The following RGS6 variants were observed in gnomAD, a reference collection of about 807,000 sequenced individuals.
The protein encoded by RGS6 is regulator of G protein signaling 6.
Under a neutral mutation model 78.5 loss-of-function variants are expected in RGS6, and 30 were observed. The ratio of observed to expected loss-of-function variants is 0.38; its 90% CI spans 0.29 to 0.52. The LOEUF (loss-of-function observed/expected upper bound fraction) is 0.52. Among genes scored for constraint, RGS6 ranks in the 20% least tolerant of loss-of-function variants. The pLI, the probability that RGS6 is intolerant of heterozygous loss-of-function variation, is 0.85. For missense variants in RGS6, 495 were observed against 609.7 expected (o/e 0.81, Z 1.98); for synonymous variants, 206 against 206.0 (o/e 1.00, Z 0.00).
chr14:72,585,359 G>A, the RGS6 span, among the ~76,000 whole-genome samples: 1 of 152,176 alleles, frequency 6.6e-6, no homozygotes, highest in Non-Finnish European at 1.5e-5. Flanking sequence ...TTCCTGAGGA[G>A]CAGACTCTGA....
chr14:71,907,356 A>G, the RGS6 span, among the ~76,000 whole-genome samples: 1 of 152,162 alleles, frequency 6.6e-6, no homozygotes, highest in Non-Finnish European at 1.5e-5. Flanking sequence ...AATGATGAGT[A>G]AGAATTAGGT....
chr14:72,235,628 T>C lies in RGS6; in HGVS notation c.85-116467T>C, dbSNP rs908987366. ...CAGCCACCTGAATTTTAGGCATTGA[T>C]ATCTAAGAGAAAATAAGTTGCTCAA... On this transcript the variant is annotated intron_variant, in intron 2 of 17. Coordinates refer to ENST00000553525, the MANE Select transcript of RGS6 (RefSeq NM_001204424.2). Among the ~76,000 whole-genome samples the C allele has an allele frequency of 1.1e-4, 17 of 152,350 alleles. No homozygotes were observed. In the South Asian group the frequency reaches 1.9e-3, roughly 17 times the overall value.
chr14:71,942,536 T>C (rs949999606), intron 1 of RGS6, among the ~76,000 whole-genome samples: 1 of 152,066 alleles, frequency 6.6e-6, no homozygotes, highest in Admixed American at 6.6e-5. Flanking sequence ...TGTAAAACTT[T>C]AGAGAAAGAA....
the RGS6 span, among the ~76,000 whole-genome samples, chr14:72,619,639 C>T: frequency 6.6e-4 from 100 of 152,314 alleles, no homozygotes; most frequent in Admixed American, 3.8e-3. Context: ...GAAGCTCACA[C>T]CTCCCGGTCA....
chr14:71,961,426 G>A (rs1386635235), intron 1 of RGS6, among the ~76,000 whole-genome samples: 2 of 152,142 alleles, frequency 1.3e-5, no homozygotes, highest in Admixed American at 6.5e-5. Flanking sequence ...TAGGGGTGGG[G>A]TGATACCAGG....
chr14:72,595,758 G>C, the RGS6 span, among the ~76,000 whole-genome samples: 1 of 152,200 alleles, frequency 6.6e-6, no homozygotes, highest in Non-Finnish European at 1.5e-5. Context: ...ATTTAGCATG[G>C]TGTTGAGAGA....
intron 3 of RGS6, among the ~76,000 whole-genome samples, chr14:72,427,347 A>G (rs1199166278): frequency 6.6e-6 from 1 of 152,234 alleles, no homozygotes; most frequent in African/African-American, 2.4e-5. Context: ...AAAACATAGT[A>G]TATGTAGGAT....
At chr14:72,418,584 ACAGGC>A (rs780925426) in intron 3 of RGS6, among the ~76,000 whole-genome samples, 121 of 152,374 alleles carry the variant, frequency 7.9e-4, no homozygotes, top group Non-Finnish European at 1.5e-3. Context: ...ACAGCCAGAT[ACAGGC>A]TGAGCAGGCC....
chr14:72,043,441 C>T (rs1021912688), intron 2 of RGS6, among the ~76,000 whole-genome samples: 3 of 151,774 alleles, frequency 2.0e-5, no homozygotes, highest in East Asian at 1.9e-4. Flanking sequence ...CAATGAATTC[C>T]CTCAGTTTTT....
intron 4 of RGS6, among the ~76,000 whole-genome samples, chr14:72,455,051 G>A (rs1412653495): frequency 6.6e-6 from 1 of 152,024 alleles, no homozygotes; most frequent in African/African-American, 2.4e-5. Flanking sequence ...GACCTTACCA[G>A]GAAAACAACA....
chr14:71,964,364 G>T (rs1271334441), intron 1 of RGS6, among the ~76,000 whole-genome samples: 1 of 152,150 alleles, frequency 6.6e-6, no homozygotes, highest in East Asian at 1.9e-4. Flanking sequence ...AAAATAGCTG[G>T]GTGTGGTGGC....
chr14:72,176,508 CACCGCTGTGCTGT>C (rs952612766), intron 2 of RGS6, among the ~76,000 whole-genome samples: 45 of 152,310 alleles, frequency 3.0e-4, no homozygotes, highest in African/African-American at 1.0e-3. Flanking sequence ...CATAGCCATG[CACCGCTGTGCTGT>C]GCCTTTTCCT....
chr14:72,562,407 C>G lies in RGS6; in HGVS notation c.1423-10C>G, dbSNP rs1308053045. ...CCTGTGCGTGCCTCTCTGTCGCTGT[C>G]TCTCTGCAGGGAAAGTCGCTGGCGG... On this transcript the variant is annotated splice_polypyrimidine_tract_variant and intron_variant, in intron 17 of 17. Transcript: ENST00000553525. The G allele has an allele frequency of 6.2e-7, 1 of 1,612,266 alleles. No individual in the cohort carries two copies. The highest frequency in any genetic ancestry group is 8.5e-7 in the Non-Finnish European group (1 of 1,179,942).
chr14:72,387,250 T>TA lies in RGS6; in HGVS notation c.184+35064dup, dbSNP rs553620679. Among the ~76,000 whole-genome samples the TA allele has an allele frequency of 2.6e-3, 400 of 151,772 alleles. 4 individuals are homozygous for TA. The highest frequency in any genetic ancestry group is 8.1e-3 in the African/African-American group (336 of 41,434). Reference sequence around the variant, plus strand: ...CTAAATCCAATGGCTGGTTTCCTTATAAAAAAAAGGGAGAGGGGGCTGGGC... The same window carrying TA: ...CTAAATCCAATGGCTGGTTTCCTTATAAAAAAAAAGGGAGAGGGGGCTGGGC... On this transcript the variant is annotated intron_variant, in intron 3 of 17. Coordinates refer to ENST00000553525, the MANE Select transcript of RGS6 (RefSeq NM_001204424.2).
intron 2 of RGS6, among the ~76,000 whole-genome samples, chr14:72,234,344 CA>C (rs2050429479): frequency 6.6e-6 from 1 of 151,518 alleles, no homozygotes; most frequent in Non-Finnish European, 1.5e-5. Flanking sequence ...GGGAAACTGA[CA>C]CATACTATCT....
chr14:72,306,064 A>T (rs1425101684), intron 2 of RGS6, among the ~76,000 whole-genome samples: 1 of 152,204 alleles, frequency 6.6e-6, no homozygotes, highest in African/African-American at 2.4e-5. Context: ...TTGTTAGGGG[A>T]TAGTGCAGCT....
downstream of RGS6, among the ~76,000 whole-genome samples, chr14:72,569,920 C>T (rs925299688): frequency 2.0e-5 from 3 of 152,140 alleles, no homozygotes; most frequent in African/African-American, 4.8e-5. Context: ...CCCAGCCCCT[C>T]GGGCTGGTGG....
At chr14:72,451,897 A>G (rs2095503398) in intron 3 of RGS6, among the ~76,000 whole-genome samples, 1 of 152,166 alleles carries the variant, frequency 6.6e-6, no homozygotes, top group Middle Eastern at 3.4e-3. Context: ...GGACTCAGGC[A>G]TGTGGCACCA....
At chr14:72,445,183 G>C (rs1364722489) in intron 3 of RGS6, among the ~76,000 whole-genome samples, 1 of 151,916 alleles carries the variant, frequency 6.6e-6, no homozygotes, top group East Asian at 1.9e-4. Flanking sequence ...AGATTTCTCT[G>C]TTTTGTTTTG....
Sources: allele counts gnomAD v4.1 joint callset (sites outside exome capture counted in the v4.1 genomes callset), GRCh38; gene constraint gnomAD v4.1.1; transcripts MANE v1.5; gene names NCBI Gene and HGNC (gene_info 2026-07-23, HGNC 2026-07-21).